The following PLXDC1 variants were observed in gnomAD, a reference collection of about 807,000 sequenced individuals.
The protein encoded by PLXDC1 is plexin domain containing 1.
A neutral mutation model predicts 61.3 loss-of-function variants in PLXDC1; 39 were observed. The ratio of observed to expected loss-of-function variants is 0.64; its 90% CI spans 0.49 to 0.83. The LOEUF (loss-of-function observed/expected upper bound fraction) is 0.83. PLXDC1 is among the 40% of genes least tolerant of loss of function. The probability of loss-of-function intolerance (pLI) is 0.00; values close to 1 mark genes in which losing one functional copy is unlikely to be tolerated. For missense variants in PLXDC1, 596 were observed against 666.5 expected (o/e 0.89, Z 1.17); for synonymous variants, 212 against 254.5 (o/e 0.83, Z 1.59).
chr17:39,139,399 C>T (rs1911857374), intron 2 of PLXDC1, among the ~76,000 whole-genome samples: 2 of 152,174 alleles, frequency 1.3e-5, no homozygotes, highest in Admixed American at 1.3e-4. Context: ...GGCTGTGCAT[C>T]CTGATACAAT....
intron 11 of PLXDC1, among the ~76,000 whole-genome samples, chr17:39,076,183 G>A (rs952159400): frequency 2.0e-5 from 3 of 151,368 alleles, no homozygotes; most frequent in Admixed American, 6.6e-5. Flanking sequence ...AACCTACTTT[G>A]CCCCTTTACG....
chr17:39,079,323 A>T, intron 9 of PLXDC1, 159 bp from the exon 10 acceptor site: 1 of 663,218 alleles, frequency 1.5e-6, no homozygotes, highest in South Asian at 1.5e-5. Flanking sequence ...TCCCCGGAAG[A>T]TGAAGGTATT....
At chr17:39,141,877 G>T (rs965296968) in intron 1 of PLXDC1, among the ~76,000 whole-genome samples, 3 of 152,114 alleles carry the variant, frequency 2.0e-5, no homozygotes, top group African/African-American at 7.2e-5. Context: ...ATATCTCATC[G>T]TTTTTATAAA....
rs1205161189 is a variant in PLXDC1 at position 39,064,856 on chromosome 17, A to G, written c.*2984T>C. On this transcript the variant is annotated 3_prime_UTR_variant, in exon 14 of 14. Transcript: ENST00000315392. ...GGTTCCTTTCAAGCTTCTAAAGGAC[A>G]CAGTGGGCTGTAACAGAGCTCTCTG... is the stretch of plus-strand genomic sequence containing the variant. 6.6e-6 allele frequency: 1 copy of G among 152,248 alleles called. No individual in the cohort carries two copies. The highest frequency in any genetic ancestry group is 1.5e-5 in the Non-Finnish European group (1 of 68,078). The allele number at this position is 152,248 out of a possible 1,614,324, so 9.4% of individuals were successfully genotyped here.
chr17:39,127,831 G>A (rs1319546803), intron 2 of PLXDC1, among the ~76,000 whole-genome samples: 3 of 150,044 alleles, frequency 2.0e-5, no homozygotes, highest in African/African-American at 4.9e-5. Flanking sequence ...GGTGGCGGGC[G>A]CCTGTAGTCC....
chr17:39,116,884 A>G (rs1250355507), intron 2 of PLXDC1, among the ~76,000 whole-genome samples: 1 of 152,240 alleles, frequency 6.6e-6, no homozygotes, highest in Admixed American at 6.5e-5. Flanking sequence ...CCTCGCACCA[A>G]GAGTGGAACA....
chr17:39,076,508 CAAAA>C (rs34943653), intron 11 of PLXDC1, among the ~76,000 whole-genome samples: 1 of 85,078 alleles, frequency 1.2e-5, no homozygotes. Context: ...GACCCTGTCT[CAAAA>C]AAAAAAAAAA....
chr17:39,084,690 C>G (rs553494726), intron 8 of PLXDC1, among the ~76,000 whole-genome samples: 1 of 152,276 alleles, frequency 6.6e-6, no homozygotes, highest in African/African-American at 2.4e-5. Flanking sequence ...GGAATTAGTA[C>G]GAATGAAGAG....
intron 7 of PLXDC1, among the ~76,000 whole-genome samples, chr17:39,095,602 G>T (rs1910158460): frequency 6.6e-6 from 1 of 151,940 alleles, no homozygotes; most frequent in Non-Finnish European, 1.5e-5. Context: ...AAACACTGCT[G>T]CCCAAACAAG....
rs1010190107 is a variant in PLXDC1, at chr17:39,063,553, G to C, written c.*4287C>G. 2 of 697,290 alleles carry C rather than the reference G, an allele frequency of 2.9e-6. No individual in the cohort carries two copies. The highest frequency in any genetic ancestry group is 5.2e-6 in the Non-Finnish European group (2 of 383,358). 43.2% of individuals were successfully genotyped at this position (697,290 alleles called of 1,614,324 possible). ...AGCAGCCATCAGAACCAAGGTATGT[G>C]TGGTGATCTTCGGAATGCCACTCCA... is the stretch of plus-strand genomic sequence containing the variant. On this transcript the variant is annotated 3_prime_UTR_variant, in exon 14 of 14. Transcript: ENST00000315392.
intron 2 of PLXDC1, among the ~76,000 whole-genome samples, chr17:39,128,322 A>C (rs1911420409): frequency 6.6e-6 from 1 of 151,198 alleles, no homozygotes; most frequent in Admixed American, 6.6e-5. Flanking sequence ...GGTTCAAGCG[A>C]TTCTCCTGCC....
chr17:39,098,592 G>C (rs1256840189), intron 7 of PLXDC1, among the ~76,000 whole-genome samples: 1 of 152,148 alleles, frequency 6.6e-6, no homozygotes, highest in Non-Finnish European at 1.5e-5. Context: ...ATCAGCATTT[G>C]TTCTCGCCAC....
chr17:39,064,136 A>G lies in PLXDC1; in HGVS notation c.*3704T>C, dbSNP rs1348589519. The G allele has an allele frequency of 6.5e-6, 1 of 153,372 alleles. No individual in the cohort carries two copies. Among genetic ancestry groups the G allele is most frequent in the Non-Finnish European group, 1.5e-5 (1 of 68,804 alleles). The allele number at this position is 153,372 out of a possible 1,614,324, so 9.5% of individuals were successfully genotyped here. A position where few individuals can be genotyped will look rare whatever the true frequency, so the allele number is the denominator to read the frequency against. ...AAGGCTGTATACAAACACACACACA[A>G]ACATACACAGATACACTGTACAGGA... On this transcript the variant is annotated 3_prime_UTR_variant, in exon 14 of 14. Coordinates refer to ENST00000315392, the MANE Select transcript of PLXDC1 (RefSeq NM_020405.5).
At chr17:39,123,852 C>T (rs1442801853) in intron 2 of PLXDC1, among the ~76,000 whole-genome samples, 1 of 152,126 alleles carries the variant, frequency 6.6e-6, no homozygotes, top group Admixed American at 6.5e-5. Flanking sequence ...TGCCAGCCAA[C>T]TGGCAGGAGG....
intron 7 of PLXDC1, among the ~76,000 whole-genome samples, chr17:39,088,127 GC>G (rs973846877): frequency 1.2e-4 from 18 of 152,290 alleles, no homozygotes; most frequent in Non-Finnish European, 2.2e-4. Flanking sequence ...CAGGCCAGGT[GC>G]CCCCCTCCCA....
At chr17:39,109,193 T>C (rs1170727959) in intron 3 of PLXDC1, 55 bp downstream of exon 3, 1 of 1,564,998 alleles carries the variant, frequency 6.4e-7, no homozygotes, top group African/African-American at 1.4e-5. Context: ...GGCAGGGTGG[T>C]TTGGCCCCCG....
At chr17:39,108,332 G>T in intron 4 of PLXDC1, 87 bp from the exon 5 acceptor site, 1 of 1,413,446 alleles carries the variant, frequency 7.1e-7, no homozygotes, top group South Asian at 1.2e-5. Context: ...AAGAAGGGCA[G>T]CGCAGGCAGA....
intron 7 of PLXDC1, among the ~76,000 whole-genome samples, chr17:39,091,496 C>A (rs947120842): frequency 6.6e-6 from 1 of 152,138 alleles, no homozygotes; most frequent in Non-Finnish European, 1.5e-5. Flanking sequence ...CCCTTCCTTC[C>A]ATCCCAGGCA....
At chr17:39,079,770 T>G (rs1210290586) in intron 9 of PLXDC1, 129 of 346,252 alleles carry the variant, frequency 3.7e-4, no homozygotes, top group Non-Finnish European at 2.9e-5. Flanking sequence ...CATGCATCAT[T>G]CCCAACTTTT....
Sources: gnomAD v4.1 joint callset for allele counts (sites outside exome capture counted in the v4.1 genomes callset) on GRCh38, gnomAD v4.1.1 for gene constraint, MANE v1.5 for transcripts, NCBI Gene and HGNC (gene_info 2026-07-23, HGNC 2026-07-21) for gene names.